LNPK: variants seen among roughly 807,000 people sequenced by gnomAD.
LNPK encodes endoplasmic reticulum junction formation protein lunapark.
Under a neutral mutation model 55.2 loss-of-function variants are expected in LNPK, and 29 were observed. The ratio of observed to expected loss-of-function variants is 0.53; its 90% CI spans 0.39 to 0.72. The LOEUF (loss-of-function observed/expected upper bound fraction) is 0.72. Ranked by LOEUF, LNPK falls within the 30% of genes least tolerant of loss-of-function variation. The probability of loss-of-function intolerance (pLI) is 0.00; values close to 1 mark genes in which losing one functional copy is unlikely to be tolerated. For missense variants in LNPK, 467 were observed against 494.8 expected (o/e 0.94, Z 0.53); for synonymous variants, 162 against 168.2 (o/e 0.96, Z 0.29).
intron 4 of LNPK, among the ~76,000 whole-genome samples, chr2:175,987,018 T>A (rs140694939): frequency 1.3e-4 from 20 of 151,246 alleles, no homozygotes; most frequent in Non-Finnish European, 2.8e-4. Context: ...GTAAAATTAT[T>A]GCTATTTACA....
At chr2:175,942,167 G>A (rs1028441319) in intron 9 of LNPK, among the ~76,000 whole-genome samples, 2 of 152,088 alleles carry the variant, frequency 1.3e-5, no homozygotes, top group South Asian at 2.1e-4. Flanking sequence ...GTTATCATGT[G>A]GGTAAATATA....
At chr2:175,938,183 A>G (rs1275059472) in intron 11 of LNPK, 130 bp downstream of exon 11, 2 of 583,396 alleles carry the variant, frequency 3.4e-6, no homozygotes, top group African/African-American at 3.8e-5. Context: ...ATGTACTAAA[A>G]TAAGGATAAT....
intron 6 of LNPK, among the ~76,000 whole-genome samples, chr2:175,965,551 T>C (rs926613563): frequency 6.6e-6 from 1 of 152,182 alleles, no homozygotes; most frequent in African/African-American, 2.4e-5. Flanking sequence ...AGGACATTTA[T>C]TTTAAAATGC....
chr2:175,980,018 G>A (rs1687096854), intron 4 of LNPK, 150 bp from the exon 5 acceptor site: 1 of 675,908 alleles, frequency 1.5e-6, no homozygotes, highest in East Asian at 3.1e-5. Flanking sequence ...ATTTCTGCCA[G>A]AGAACATCAG....
chr2:175,950,871 C>A (rs757750426), intron 8 of LNPK, among the ~76,000 whole-genome samples: 6 of 151,996 alleles, frequency 3.9e-5, no homozygotes, highest in Non-Finnish European at 7.4e-5. Flanking sequence ...AAGGTTCCAA[C>A]GATTATTATA....
chr2:175,968,474 G>A (rs1686482328), intron 6 of LNPK, among the ~76,000 whole-genome samples: 1 of 152,134 alleles, frequency 6.6e-6, no homozygotes. Context: ...AATGCTCATG[G>A]ATGCAGAGGG....
chr2:175,979,329 C>G (rs1359075711), intron 5 of LNPK, among the ~76,000 whole-genome samples: 4 of 152,064 alleles, frequency 2.6e-5, no homozygotes, highest in Non-Finnish European at 5.9e-5. Flanking sequence ...GAGGCAGAGG[C>G]AGGCGGATTG....
intron 8 of LNPK, among the ~76,000 whole-genome samples, chr2:175,952,402 G>A (rs1685468159): frequency 6.6e-6 from 1 of 151,632 alleles, no homozygotes; most frequent in Admixed American, 6.6e-5. Context: ...AGGGCACAGG[G>A]ATATATTTTC....
At chr2:175,933,632 A>G (rs1684388850) in intron 12 of LNPK, among the ~76,000 whole-genome samples, 1 of 152,130 alleles carries the variant, frequency 6.6e-6, no homozygotes, top group African/African-American at 2.4e-5. Context: ...ATAAAATTCA[A>G]TTAAATTATA....
chr2:175,976,640 CAGTG>C (rs1465810224), intron 5 of LNPK, among the ~76,000 whole-genome samples: 1 of 152,198 alleles, frequency 6.6e-6, no homozygotes, highest in African/African-American at 2.4e-5. Flanking sequence ...CTTCTCCCTC[CAGTG>C]AGTGAGAACA....
intron 8 of LNPK, among the ~76,000 whole-genome samples, chr2:175,953,432 G>T (rs1685516561): frequency 6.6e-6 from 1 of 152,006 alleles, no homozygotes; most frequent in Non-Finnish European, 1.5e-5. Flanking sequence ...CCATTCAACA[G>T]AACCAAAAGT....
At chr2:175,945,430 G>A (rs561446240) in intron 9 of LNPK, among the ~76,000 whole-genome samples, 127 of 148,328 alleles carry the variant, frequency 8.6e-4, no homozygotes, top group Admixed American at 2.0e-3. Context: ...GCTTGAACCC[G>A]TAAGGCAGAG....
rs1684101852 is a variant in LNPK, at chr2:175,928,369, T to C, written c.*1598A>G. 6.6e-6 allele frequency: 1 copy of C among 152,016 alleles called. No individual in the cohort carries two copies. The highest frequency in any genetic ancestry group is 2.1e-4 in the South Asian group (1 of 4,822). 9.4% of individuals were successfully genotyped at this position (152,016 alleles called of 1,614,324 possible). ...CAAAAATAAACATAACTCTTCCCAT[T>C]TTACAGATGAAAAAATAATCTCAGT... On this transcript the variant is annotated 3_prime_UTR_variant, in exon 13 of 13. Transcript: ENST00000272748.
intron 9 of LNPK, among the ~76,000 whole-genome samples, chr2:175,941,746 G>T (rs1173809472): frequency 7.2e-6 from 1 of 138,374 alleles, no homozygotes; most frequent in Non-Finnish European, 1.5e-5. Flanking sequence ...AGCTGAGATT[G>T]TGCCACTGCA....
intron 5 of LNPK, among the ~76,000 whole-genome samples, chr2:175,978,434 G>A (rs570127581): frequency 4.8e-4 from 73 of 152,202 alleles, no homozygotes; most frequent in Middle Eastern, 3.4e-3. Flanking sequence ...TAAGACTATA[G>A]GTTAAGAGTG....
chr2:175,931,523 A>G (rs1684279434), intron 12 of LNPK, among the ~76,000 whole-genome samples: 1 of 152,198 alleles, frequency 6.6e-6, no homozygotes, highest in Non-Finnish European at 1.5e-5. Flanking sequence ...TTATATAATT[A>G]GTTATAACCA....
rs1010947172 is a variant in LNPK, at chr2:175,937,427, T to C, written c.971A>G (p.Lys324Arg). Residue 324 changes from lysine to arginine, a missense_variant, in exon 12 of 13, where the codon AAG becomes AGG. Lys to Arg is a conservative substitution (Grantham distance 26). Transcript: ENST00000272748. ...APRLPEFSFE[K>R]RQVVEGSSSV... is the part of the protein sequence containing the mutation. ...ACTTGAACCTTCCACCACCTGCCTC[T>C]TCTCAAAACTAAACTCAGGAAGTCT... The C allele has an allele frequency of 1.9e-6, 3 of 1,613,766 alleles. No individual in the cohort carries two copies. Among genetic ancestry groups the C allele is most frequent in the Admixed American group, 3.3e-5 (2 of 59,980 alleles).
intron 1 of LNPK, among the ~76,000 whole-genome samples, chr2:176,001,189 G>A (rs1186816325): frequency 6.6e-6 from 1 of 152,160 alleles, no homozygotes; most frequent in Non-Finnish European, 1.5e-5. Context: ...GGGGGCTGCT[G>A]AGGAAAAGAA....
chr2:175,993,277 C>T (rs764626760), intron 2 of LNPK, 54 bp from the exon 3 acceptor site: 2 of 1,059,276 alleles, frequency 1.9e-6, no homozygotes, highest in Non-Finnish European at 2.7e-6. Flanking sequence ...CAAACCTTTA[C>T]ATTTTGATAT....
Sources: allele counts gnomAD v4.1 joint callset (sites outside exome capture counted in the v4.1 genomes callset), GRCh38; gene constraint gnomAD v4.1.1; transcripts MANE v1.5; gene names NCBI Gene and HGNC (gene_info 2026-07-23, HGNC 2026-07-21).